The following RFC3 variants were observed in gnomAD, a reference collection of about 807,000 sequenced individuals.
The protein encoded by RFC3 is replication factor C subunit 3, also known as A1 38 kDa subunit.
In RFC3, 41 loss-of-function variants were observed where a neutral mutation model predicts 45.1. The ratio of observed to expected loss-of-function variants is 0.91; its 90% CI spans 0.71 to 1.18. RFC3 has a LOEUF of 1.18. Ranked by LOEUF, RFC3 falls within the 50% of genes most tolerant of loss-of-function variation. The pLI, the probability that RFC3 is intolerant of heterozygous loss-of-function variation, is 0.00. For synonymous variants in RFC3, 149 were observed against 144.0 expected (o/e 1.03, Z -0.25); for missense variants, 423 against 428.1 (o/e 0.99, Z 0.10).
chr13:33,932,796 G>A (rs1454392695), intron 8 of RFC3, among the ~76,000 whole-genome samples: 1 of 152,076 alleles, frequency 6.6e-6, no homozygotes, highest in African/African-American at 2.4e-5. Flanking sequence ...AAAGTATATT[G>A]CCATATAAGT....
intron 8 of RFC3, among the ~76,000 whole-genome samples, chr13:33,886,282 C>G (rs754030454): frequency 5.3e-5 from 8 of 152,154 alleles, no homozygotes; most frequent in Non-Finnish European, 8.8e-5. Context: ...CACAGTGGCT[C>G]ACGCCTGTAA....
chr13:33,947,547 A>C (rs559152027), intron 8 of RFC3, among the ~76,000 whole-genome samples: 1 of 152,328 alleles, frequency 6.6e-6, no homozygotes, highest in East Asian at 1.9e-4. Context: ...ACTGGGCAAC[A>C]GGCAGAAATT....
intron 8 of RFC3, among the ~76,000 whole-genome samples, chr13:33,851,415 A>G (rs1192317920): frequency 6.6e-6 from 1 of 152,150 alleles, no homozygotes; most frequent in African/African-American, 2.4e-5. Flanking sequence ...CTCAGATAAC[A>G]CGTATTTTGT....
chr13:33,962,733 C>T (rs1213518012), intron 8 of RFC3, among the ~76,000 whole-genome samples: 1 of 152,002 alleles, frequency 6.6e-6, no homozygotes, highest in Non-Finnish European at 1.5e-5. Context: ...ATTCTAAGTT[C>T]CAAATAGTGT....
In RFC3 at chr13:33,821,243, T is replaced by C. The variant is rs757295705; in HGVS notation, c.199T>C (p.Leu67=). 1.9e-6 allele frequency: 3 copies of C among 1,613,304 alleles called. No homozygotes were observed. Among genetic ancestry groups the C allele is most frequent in the East Asian group, 4.5e-5 (2 of 44,866 alleles). The part of the protein sequence containing the change: ...RELYGVGVEK[L]RIEHQTITTP... ...ACTTTATGGTGTTGGAGTGGAAAAATTGAGAATTGAACATCAGACCATCAC... is the reference window on the plus strand; with the variant it reads ...ACTTTATGGTGTTGGAGTGGAAAAACTGAGAATTGAACATCAGACCATCAC... Residue 67 remains leucine (L), a synonymous_variant, in exon 2 of 9, where the codon TTG becomes CTG. Transcript: ENST00000380071.
chr13:33,824,228 T>C lies in RFC3; in HGVS notation c.293+244T>C, dbSNP rs767188083. Among the ~76,000 whole-genome samples, 24 of 152,178 alleles carry C rather than the reference T, an allele frequency of 1.6e-4. 1 individual carries two copies. ...TTTCTAGCTCTAGGGAGCTCATTGA[T>C]GTACACACAGTACATTGTATTGTCA... On this transcript the variant is annotated intron_variant, in intron 3 of 8. Transcript: ENST00000380071.
chr13:33,903,310 T>C (rs1362026785), intron 8 of RFC3, among the ~76,000 whole-genome samples: 1 of 152,060 alleles, frequency 6.6e-6, no homozygotes, highest in Non-Finnish European at 1.5e-5. Flanking sequence ...TGAAGGTGAA[T>C]TTGGGTAGAA....
chr13:33,871,901 T>TA (rs1038761944), intron 8 of RFC3, among the ~76,000 whole-genome samples: 1 of 152,222 alleles, frequency 6.6e-6, no homozygotes, highest in Non-Finnish European at 1.5e-5. Context: ...TTGGTTCAGT[T>TA]AGAGACTGGT....
rs970265360 is a variant in RFC3, at chr13:33,830,009, A to G, written c.565A>G (p.Ile189Val). The change falls in exon 5 of 9, where the codon ATT becomes GTT. Residue 189 changes from isoleucine to valine, a missense_variant. Coordinates refer to ENST00000380071, the MANE Select transcript of RFC3 (RefSeq NM_002915.4). ...GGCGGTTCGTGTGCCTGCTCCCAGC[A>G]TTGAAGATGTAGGTCAAGTTACACT... The part of the protein sequence containing the change: ...CLAVRVPAPS[I>V]EDICHVLSTV... 5 of 1,613,580 alleles carry G rather than the reference A, an allele frequency of 3.1e-6. No homozygotes were observed. Among genetic ancestry groups the G allele is most frequent in the Admixed American group, 1.7e-5 (1 of 59,954 alleles).
At chr13:33,963,608 A>G (rs1433819980) in intron 8 of RFC3, among the ~76,000 whole-genome samples, 4 of 152,206 alleles carry the variant, frequency 2.6e-5, no homozygotes, top group Non-Finnish European at 2.9e-5. Context: ...GAGATGCTCT[A>G]TAGAGCAGTG....
At chr13:33,941,235 T>TG (rs1279118387) in intron 8 of RFC3, among the ~76,000 whole-genome samples, 4 of 144,686 alleles carry the variant, frequency 2.8e-5, no homozygotes, top group African/African-American at 1.0e-4. Context: ...TCCTGAGAGA[T>TG]TTTTTTTTTT....
At chr13:33,824,717 A>G (rs2082033777) in intron 3 of RFC3, among the ~76,000 whole-genome samples, 1 of 152,136 alleles carries the variant, frequency 6.6e-6, no homozygotes, top group Non-Finnish European at 1.5e-5. Context: ...ATTACAAGCT[A>G]ATGTGTATCT....
the RFC3 span, among the ~76,000 whole-genome samples, chr13:33,976,221 C>A: frequency 6.6e-6 from 1 of 152,174 alleles, no homozygotes; most frequent in South Asian, 2.1e-4. Context: ...TACAAACTAT[C>A]CATCTGGGAA....
At chr13:33,946,995 GCTAAATGATGACATGTGTT>G (rs1255305438) in intron 8 of RFC3, among the ~76,000 whole-genome samples, 1 of 152,164 alleles carries the variant, frequency 6.6e-6, no homozygotes, top group Non-Finnish European at 1.5e-5. Context: ...ATGCATATCT[GCTAAATGATGACATGTGTT>G]CATTTTATGA....
chr13:33,924,613 AAT>A lies in RFC3; in HGVS notation c.880-41466_880-41465del. Among the ~76,000 whole-genome samples, 4 of 149,664 alleles carry A rather than the reference AAT, an allele frequency of 2.7e-5. No homozygotes were observed. In the East Asian group the frequency reaches 7.8e-4, roughly 29 times the overall value. ...AGAAATGATTATATATATATATGTAAATATATATACACACCATCATTTATTGA... is the reference window on the plus strand; with the variant it reads ...AGAAATGATTATATATATATATGTAAATATATACACACCATCATTTATTGA... On this transcript the variant is annotated intron_variant, in intron 8 of 8. Coordinates refer to the RFC3 transcript ENST00000434425.
intron 4 of RFC3, among the ~76,000 whole-genome samples, chr13:33,826,941 T>C (rs2082055212): frequency 6.6e-6 from 1 of 152,226 alleles, no homozygotes; most frequent in African/African-American, 2.4e-5. Flanking sequence ...AATTAATTGC[T>C]GGATTTTGGT....
At chr13:33,885,493 C>T (rs907500831) in intron 8 of RFC3, among the ~76,000 whole-genome samples, 1 of 152,174 alleles carries the variant, frequency 6.6e-6, no homozygotes, top group Non-Finnish European at 1.5e-5. Context: ...CCCTCCTCCC[C>T]TCCCAGCCAT....
At chr13:33,903,932 T>A (rs1051674073) in intron 8 of RFC3, among the ~76,000 whole-genome samples, 2 of 152,098 alleles carry the variant, frequency 1.3e-5, no homozygotes, top group African/African-American at 4.8e-5. Flanking sequence ...TAGGTATCTA[T>A]TTCCTGCTGT....
intron 8 of RFC3, among the ~76,000 whole-genome samples, chr13:33,950,433 G>C (rs1024832558): frequency 6.6e-6 from 1 of 152,134 alleles, no homozygotes; most frequent in Non-Finnish European, 1.5e-5. Flanking sequence ...TATAAAAATA[G>C]TGTTGACCTG....
Sources: gnomAD v4.1 joint callset for allele counts (sites outside exome capture counted in the v4.1 genomes callset) on GRCh38, gnomAD v4.1.1 for gene constraint, MANE v1.5 for transcripts, NCBI Gene and HGNC (gene_info 2026-07-23, HGNC 2026-07-21) for gene names.